Variants in SOX5 observed in about 807,000 individuals in gnomAD.
SOX5 encodes the protein SRY-box transcription factor 5.
In SOX5, 9 loss-of-function variants were observed where a neutral mutation model predicts 92.0. The ratio of observed to expected loss-of-function variants is 0.10; its 90% CI spans 0.06 to 0.17. SOX5 has a LOEUF of 0.17. Among genes scored for constraint, SOX5 ranks in the 10% least tolerant of loss-of-function variants. The probability of loss-of-function intolerance (pLI) is 1.00; values close to 1 mark genes in which losing one functional copy is unlikely to be tolerated. For missense variants in SOX5, 642 were observed against 944.5 expected, an observed-to-expected ratio of 0.68 and a Z score of 4.20; for synonymous variants, 344 against 336.3, an observed-to-expected ratio of 1.02 and a Z score of -0.25.
chr12:24,156,915 G>A (rs1032222645), intron 4 of SOX5, among the ~76,000 whole-genome samples: 1 of 152,106 alleles, frequency 6.6e-6, no homozygotes. Context: ...AAGGGTGCAT[G>A]CTATGAAAAC....
At position 24,098,895 on chromosome 12, in the gene SOX5, C is replaced by T. The variant is rs370874935; in HGVS notation, c.-2+114448G>A. ...AGCCCTGGGTATCTTATGTGCCCTC[C>T]ACCCAAGTACAGCTTTCTTGTTCAC... On this transcript the variant is annotated intron_variant, in intron 4 of 4. Transcript: ENST00000446891. 9.2e-5 allele frequency among the ~76,000 whole-genome samples: 14 copies of T among 152,282 alleles called. No individual in the cohort carries two copies. In the East Asian group the frequency reaches 1.7e-3, roughly 19 times the overall value.
intron 7 of SOX5, among the ~76,000 whole-genome samples, chr12:23,663,278 G>A (rs1279224474): frequency 6.6e-6 from 1 of 152,112 alleles, no homozygotes; most frequent in Non-Finnish European, 1.5e-5. Flanking sequence ...TACAAAAGAA[G>A]GGGTATCATT....
At chr12:23,893,590 T>C (rs2097149934) in intron 2 of SOX5, among the ~76,000 whole-genome samples, 1 of 152,226 alleles carries the variant, frequency 6.6e-6, no homozygotes, top group Admixed American at 6.5e-5. Flanking sequence ...TCCATTTATC[T>C]TTCTGGTATT....
chr12:24,356,711 C>A (rs951329078), intron 2 of SOX5, among the ~76,000 whole-genome samples: 6 of 152,100 alleles, frequency 3.9e-5, no homozygotes, highest in African/African-American at 1.4e-4. Context: ...TCTTTTCACC[C>A]AAATCTTTCC....
At chr12:23,758,823 T>A (rs190733662) in intron 3 of SOX5, among the ~76,000 whole-genome samples, 7 of 151,942 alleles carry the variant, frequency 4.6e-5, no homozygotes, top group African/African-American at 1.7e-4. Context: ...AGGGTACAAG[T>A]TCCATCTGTC....
At chr12:23,669,345 G>C (rs2084370919) in intron 6 of SOX5, among the ~76,000 whole-genome samples, 1 of 151,976 alleles carries the variant, frequency 6.6e-6, no homozygotes, top group African/African-American at 2.4e-5. Context: ...CATAAGAAAA[G>C]GAACAGGGGC....
intron 14 of SOX5, 123 bp from the exon 15 acceptor site, chr12:23,534,645 C>T (rs1939818169): frequency 2.8e-6 from 2 of 709,118 alleles, no homozygotes; most frequent in African/African-American, 3.6e-5. Flanking sequence ...ATCTAATTGC[C>T]TAACATTTTT....
chr12:23,904,418 A>G (rs2097269322), intron 1 of SOX5, among the ~76,000 whole-genome samples: 1 of 152,176 alleles, frequency 6.6e-6, no homozygotes. Flanking sequence ...GTAGAAACAC[A>G]GATTTCAAAG....
chr12:24,300,005 A>G (rs987923844), intron 2 of SOX5, among the ~76,000 whole-genome samples: 1 of 152,244 alleles, frequency 6.6e-6, no homozygotes, highest in South Asian at 2.1e-4. Flanking sequence ...CAAAACAAGT[A>G]CAAGCTTTTC....
chr12:23,896,680 G>A (rs1387253642), intron 1 of SOX5, among the ~76,000 whole-genome samples: 1 of 148,162 alleles, frequency 6.7e-6, no homozygotes, highest in African/African-American at 2.5e-5. Flanking sequence ...ACCCAATTTG[G>A]GCATTTAGTT....
intron 1 of SOX5, among the ~76,000 whole-genome samples, chr12:23,947,559 T>C (rs1012453199): frequency 6.6e-6 from 1 of 151,852 alleles, no homozygotes; most frequent in African/African-American, 2.4e-5. Context: ...ACAGGGGAAA[T>C]TATTAAGGAA....
intron 10 of SOX5, among the ~76,000 whole-genome samples, chr12:23,573,803 T>C (rs1003314420): frequency 6.6e-6 from 1 of 152,096 alleles, no homozygotes; most frequent in Non-Finnish European, 1.5e-5. Flanking sequence ...GGATCACTCA[T>C]TCAGGAAGGT....
chr12:23,886,610 T>C (rs185848571), intron 2 of SOX5, among the ~76,000 whole-genome samples: 15 of 152,136 alleles, frequency 9.9e-5, no homozygotes, highest in African/African-American at 3.6e-4. Flanking sequence ...AATGCACTGG[T>C]ATTATCACTT....
In SOX5 at chr12:24,285,153, A is replaced by T. The variant is rs971714291; in HGVS notation, c.-173-7841T>A. Among the ~76,000 whole-genome samples the T allele has an allele frequency of 9.9e-5, 15 of 152,246 alleles. No homozygotes were observed. In the South Asian group the frequency reaches 1.0e-3, roughly 11 times the overall value. On this transcript the variant is annotated intron_variant, in intron 2 of 4. Coordinates refer to the SOX5 transcript ENST00000446891. ...TTCCATCTCAAAAAGAAAGAAAAAA[A>T]AATAATCAGAGTGGCTTCTGACTTC... is the stretch of plus-strand genomic sequence containing the variant.
chr12:23,584,518 T>A, intron 9 of SOX5: 1 of 1,500,564 alleles, frequency 6.7e-7, no homozygotes, highest in Non-Finnish European at 9.3e-7. Flanking sequence ...ATTAATTACA[T>A]CAAAGAGTCA....
intron 1 of SOX5, among the ~76,000 whole-genome samples, chr12:24,491,276 A>T (rs1271080263): frequency 1.3e-5 from 2 of 151,930 alleles, no homozygotes; most frequent in Admixed American, 1.3e-4. Context: ...TTACATGGAA[A>T]TTTTTCCTGC....
chr12:24,125,825 C>T (rs1376281202), intron 4 of SOX5, among the ~76,000 whole-genome samples: 1 of 152,158 alleles, frequency 6.6e-6, no homozygotes, highest in Non-Finnish European at 1.5e-5. Flanking sequence ...ATATTTTTCT[C>T]AATTTTTATT....
intron 4 of SOX5, among the ~76,000 whole-genome samples, chr12:24,066,284 A>C (rs1240398250): frequency 6.6e-6 from 1 of 152,244 alleles, no homozygotes; most frequent in Non-Finnish European, 1.5e-5. Context: ...CAAAAATCAC[A>C]ATGTGACTCA....
intron 4 of SOX5, among the ~76,000 whole-genome samples, chr12:24,038,359 A>T (rs553715100): frequency 1.3e-5 from 2 of 152,162 alleles, no homozygotes; most frequent in African/African-American, 4.8e-5. Flanking sequence ...AGAAACCAGG[A>T]GTAAAGAGGG....
Sources: allele counts gnomAD v4.1 joint callset (sites outside exome capture counted in the v4.1 genomes callset), GRCh38; gene constraint gnomAD v4.1.1; transcripts MANE v1.5; gene names NCBI Gene and HGNC (gene_info 2026-07-23, HGNC 2026-07-21).